The following UBASH3B variants were observed in gnomAD, a reference collection of about 807,000 sequenced individuals.
UBASH3B encodes ubiquitin associated and SH3 domain containing B, also known as ubiquitin-associated and SH3 domain-containing protein B.
In UBASH3B, 37 loss-of-function variants were observed where a neutral mutation model predicts 83.4. The observed-to-expected ratio is 0.44, with a 90% CI of 0.34 to 0.58. The LOEUF (loss-of-function observed/expected upper bound fraction) is 0.58, where lower values mean the gene tolerates loss of function less well. Ranked by LOEUF, UBASH3B falls within the 20% of genes least tolerant of loss-of-function variation. The pLI is 0.01. For synonymous variants in UBASH3B, 304 were observed against 318.3 expected (o/e 0.96, Z 0.48); for missense variants, 657 against 827.2 (o/e 0.79, Z 2.52).
intron 1 of UBASH3B, among the ~76,000 whole-genome samples, chr11:122,661,898 CT>C (rs1171148984): frequency 8.1e-6 from 1 of 124,070 alleles, no homozygotes; most frequent in Non-Finnish European, 1.8e-5. Context: ...CCTTGATATG[CT>C]TTTTTTCTTT....
intron 1 of UBASH3B, among the ~76,000 whole-genome samples, chr11:122,718,867 C>G (rs1421993457): frequency 6.6e-6 from 1 of 152,108 alleles, no homozygotes; most frequent in Non-Finnish European, 1.5e-5. Context: ...GAAACACCGT[C>G]TCACCTAAAA....
chr11:122,681,382 A>G (rs1439942539), intron 1 of UBASH3B, among the ~76,000 whole-genome samples: 4 of 152,208 alleles, frequency 2.6e-5, no homozygotes, highest in African/African-American at 9.6e-5. Context: ...CAGTGCTCAC[A>G]GAGGAAATGG....
rs748556081 is a variant in UBASH3B, at chr11:122,789,064, G to A, written c.772-36G>A. On this transcript the variant is annotated intron_variant, in intron 5 of 13. Coordinates refer to ENST00000284273, the MANE Select transcript of UBASH3B (RefSeq NM_032873.5). ...CTCAAGGCGCTCAGGAGAATGGTGA[G>A]GCATGGGGCTCACTCACCCTCTCTT... The A allele has an allele frequency of 3.8e-6, 6 of 1,584,406 alleles. 1 individual carries two copies. In the South Asian group the frequency reaches 5.6e-5, roughly 15 times the overall value.
chr11:122,739,094 G>A (rs1460804504), intron 1 of UBASH3B, among the ~76,000 whole-genome samples: 1 of 152,012 alleles, frequency 6.6e-6, no homozygotes, highest in East Asian at 1.9e-4. Context: ...AAATTACAGG[G>A]CTCAGGGATC....
chr11:122,672,499 T>G (rs192709735), intron 1 of UBASH3B, among the ~76,000 whole-genome samples: 1 of 152,240 alleles, frequency 6.6e-6, no homozygotes, highest in Admixed American at 6.5e-5. Flanking sequence ...CTACTTTTTG[T>G]GTTTTTAGTA....
chr11:122,687,379 A>G (rs1008760058), intron 1 of UBASH3B, among the ~76,000 whole-genome samples: 2 of 152,182 alleles, frequency 1.3e-5, no homozygotes, highest in Non-Finnish European at 2.9e-5. Context: ...GACTGATGAA[A>G]TGACTTGCCC....
In UBASH3B at chr11:122,813,354, G is replaced by C. The variant is rs911263743; in HGVS notation, c.*3468G>C. ...AAGAAGTTCCTATCTCATTGCCTTTGTGGAAAGGCTTCCCTATGTGGTAAA... is the reference window on the plus strand; with the variant it reads ...AAGAAGTTCCTATCTCATTGCCTTTCTGGAAAGGCTTCCCTATGTGGTAAA... On this transcript the variant is annotated 3_prime_UTR_variant, in exon 14 of 14. Coordinates refer to ENST00000284273, the MANE Select transcript of UBASH3B (RefSeq NM_032873.5). 2.0e-5 allele frequency: 3 copies of C among 152,180 alleles called. No individual in the cohort carries two copies. The highest frequency in any genetic ancestry group is 2.9e-5 in the Non-Finnish European group (2 of 68,022). 9.4% of individuals were successfully genotyped at this position (152,180 alleles called of 1,614,324 possible). A position where few individuals can be genotyped will look rare whatever the true frequency, so the allele number is the denominator to read the frequency against.
intron 11 of UBASH3B, among the ~76,000 whole-genome samples, chr11:122,805,095 A>G (rs1348066716): frequency 6.6e-6 from 1 of 152,234 alleles, no homozygotes; most frequent in African/African-American, 2.4e-5. Flanking sequence ...TTACAAAAGA[A>G]AGAGGTTTAA....
intron 1 of UBASH3B, among the ~76,000 whole-genome samples, chr11:122,713,865 T>A (rs1864232201): frequency 1.3e-5 from 2 of 152,318 alleles, no homozygotes; most frequent in South Asian, 4.1e-4. Context: ...GATATGCAGC[T>A]GGCTTTGTGA....
intron 1 of UBASH3B, among the ~76,000 whole-genome samples, chr11:122,721,324 CTT>C (rs1565541067): frequency 1.3e-5 from 2 of 149,348 alleles, no homozygotes; most frequent in East Asian, 4.0e-4. Flanking sequence ...CAGCCAAGCT[CTT>C]TATGGAATTC....
At chr11:122,666,708 C>T (rs1160418059) in intron 1 of UBASH3B, among the ~76,000 whole-genome samples, 4 of 152,164 alleles carry the variant, frequency 2.6e-5, no homozygotes, top group Admixed American at 2.6e-4. Flanking sequence ...TGAGCCACCG[C>T]GCCCAGCTGC....
In UBASH3B at chr11:122,702,251, T is replaced by C. The variant is rs145036974; in HGVS notation, c.161+46041T>C. Reference sequence around the variant, plus strand: ...AGTAATGAATCCAAGTCCAACATAGTTACGTGCAAGGAAACATTTCATCCA... The same window carrying C: ...AGTAATGAATCCAAGTCCAACATAGCTACGTGCAAGGAAACATTTCATCCA... On this transcript the variant is annotated intron_variant, in intron 1 of 13. Transcript: ENST00000284273. Among the ~76,000 whole-genome samples, 231 of 152,252 alleles carry C rather than the reference T, an allele frequency of 1.5e-3. 1 individual carries two copies. The highest frequency in any genetic ancestry group is 5.1e-3 in the African/African-American group (211 of 41,538).
chr11:122,764,268 C>A (rs940391957), intron 1 of UBASH3B, among the ~76,000 whole-genome samples: 5 of 152,196 alleles, frequency 3.3e-5, no homozygotes, highest in African/African-American at 1.2e-4. Flanking sequence ...TCCTAAGATC[C>A]TTTGCAGCCA....
intron 10 of UBASH3B, among the ~76,000 whole-genome samples, chr11:122,800,327 C>A (rs148472917): frequency 0.025 from 3,495 of 142,018 alleles, 119 homozygotes; most frequent in African/African-American, 0.087. Context: ...TTCACGAGGT[C>A]AGGAGATCGA....
At chr11:122,702,309 A>G (rs1223552294) in intron 1 of UBASH3B, among the ~76,000 whole-genome samples, 1 of 152,176 alleles carries the variant, frequency 6.6e-6, no homozygotes, top group Non-Finnish European at 1.5e-5. Flanking sequence ...GAGAGAGAAG[A>G]GTCTAAAATA....
intron 1 of UBASH3B, among the ~76,000 whole-genome samples, chr11:122,724,727 C>G (rs567609378): frequency 5.7e-4 from 87 of 152,120 alleles, no homozygotes; most frequent in African/African-American, 2.0e-3. Flanking sequence ...CACAGGGCCA[C>G]AGAGGCATGA....
intron 1 of UBASH3B, among the ~76,000 whole-genome samples, chr11:122,706,097 CTTTTCTTTCTTTTT>C (rs1257882308): frequency 5.8e-5 from 8 of 137,842 alleles, no homozygotes; most frequent in Non-Finnish European, 1.1e-4. Flanking sequence ...AGCTCTAATT[CTTTTCTTTCTTTTT>C]TTTTTTTTCT....
chr11:122,776,193 A>G, intron 1 of UBASH3B, 26 bp from the exon 2 acceptor site: 1 of 1,608,770 alleles, frequency 6.2e-7, no homozygotes, highest in Admixed American at 1.7e-5. Context: ...AAATATTAAC[A>G]ATAGAAATTT....
At chr11:122,685,258 C>G (rs941565419) in intron 1 of UBASH3B, among the ~76,000 whole-genome samples, 1 of 152,152 alleles carries the variant, frequency 6.6e-6, no homozygotes, top group African/African-American at 2.4e-5. Context: ...TCCCCACCCC[C>G]GGGATGTAGC....
Sources: gnomAD v4.1 joint callset for allele counts (sites outside exome capture counted in the v4.1 genomes callset) on GRCh38, gnomAD v4.1.1 for gene constraint, MANE v1.5 for transcripts, NCBI Gene and HGNC (gene_info 2026-07-23, HGNC 2026-07-21) for gene names.